The following RPGR variants were observed in gnomAD, a reference collection of about 807,000 sequenced individuals.
The protein encoded by RPGR is X-linked retinitis pigmentosa GTPase regulator.
Under a neutral mutation model 56.3 loss-of-function variants are expected in RPGR, and 10 were observed. The observed-to-expected ratio is 0.18, with a 90% CI of 0.11 to 0.30. The LOEUF is 0.30. RPGR is among the 10% of genes least tolerant of loss of function. The probability of loss-of-function intolerance (pLI) is 1.00; values close to 1 mark genes in which losing one functional copy is unlikely to be tolerated. For synonymous variants in RPGR, 197 were observed against 212.9 expected (o/e 0.93, Z 0.65); for missense variants, 538 against 590.9 (o/e 0.91, Z 0.93).
In RPGR at chrX:38,291,015, T is replaced by A; in HGVS notation, c.1516A>T (p.Met506Leu). The A allele has an allele frequency of 9.8e-7, 1 of 1,019,141 alleles. No homozygotes were observed. The highest frequency in any genetic ancestry group is 1.3e-6 in the Non-Finnish European group (1 of 750,586). The allele number at this position is 1,019,141 out of a possible 1,213,427, so 84.0% of individuals were successfully genotyped here. A position where few individuals can be genotyped will look rare whatever the true frequency, so the allele number is the denominator to read the frequency against. Residue 506 changes from methionine (M) to leucine (L), a missense_variant, in exon 13 of 19, where the codon ATG (methionine) becomes TTG (leucine). Coordinates refer to ENST00000642395, the MANE Select transcript of RPGR (RefSeq NM_000328.3). Reference sequence around the variant, plus strand: ...GACTTTTCATTGGAATTCAGGCTCATGATGTGTGTCTGAAATAAATAAAAA... The same window carrying A: ...GACTTTTCATTGGAATTCAGGCTCAAGATGTGTGTCTGAAATAAATAAAAA...
At chrX:38,294,869 A>G (rs1024645425) in intron 11 of RPGR, among the ~76,000 whole-genome samples, 38 of 111,668 alleles carry the variant, frequency 3.4e-4, no homozygotes, top group Non-Finnish European at 2.4e-4. Context: ...TCCACTGCAA[A>G]CACCTTGGTC....
chrX:38,295,620 A>G (rs757825173), intron 11 of RPGR, among the ~76,000 whole-genome samples: 17 of 112,140 alleles, frequency 1.5e-4, no homozygotes, highest in African/African-American at 5.5e-4. Context: ...CATTGATCTT[A>G]TTTCAAAAGA....
chrX:38,277,419 A>T (rs1461625594), intron 15 of RPGR, among the ~76,000 whole-genome samples: 1 of 111,339 alleles, frequency 9.0e-6, no homozygotes. Flanking sequence ...TGGAATGCTT[A>T]TTAAGTATAG....
chrX:38,289,155 A>C (rs12389427), intron 13 of RPGR, among the ~76,000 whole-genome samples: 19,513 of 111,200 alleles, frequency 0.18, 1,728 homozygotes, highest in East Asian at 0.58. Flanking sequence ...AATTTGAAAA[A>C]AATGAATAGT....
intron 1 of RPGR, 87 bp downstream of exon 1, chrX:38,327,253 C>A: frequency 1.0e-6 from 1 of 972,210 alleles, no homozygotes; most frequent in Non-Finnish European, 1.4e-6. Flanking sequence ...GGGGCCTGTC[C>A]CCCTACAGGG....
chrX:38,323,368 T>C, intron 2 of RPGR, 31 bp downstream of exon 2: 3 of 1,166,513 alleles, frequency 2.6e-6, no homozygotes, highest in Non-Finnish European at 3.5e-6. Flanking sequence ...TTCTAAGTAT[T>C]ACTGTCCTTA....
intron 6 of RPGR, among the ~76,000 whole-genome samples, chrX:38,315,810 C>CAT (rs2067811693): frequency 2.3e-5 from 2 of 87,975 alleles, no homozygotes; most frequent in African/African-American, 1.0e-4. Flanking sequence ...TCAGGTATTC[C>CAT]ATATATATAC....
intron 1 of RPGR, chrX:38,326,776 T>A (rs2068054104): frequency 9.0e-6 from 1 of 111,516 alleles, no homozygotes; most frequent in South Asian, 3.7e-4. Flanking sequence ...TGTCCCTCCC[T>A]GGCCGGGCGC....
chrX:38,322,146 A>C (rs1326320153), intron 3 of RPGR, among the ~76,000 whole-genome samples: 4 of 112,088 alleles, frequency 3.6e-5, no homozygotes, highest in African/African-American at 1.3e-4. Context: ...CTACACTGAA[A>C]TTTTGAGCTG....
In RPGR at chrX:38,322,965, A is replaced by T; in HGVS notation, c.155-20T>A. On this transcript the variant is annotated intron_variant, in intron 2 of 18. Coordinates refer to ENST00000642395, the MANE Select transcript of RPGR (RefSeq NM_000328.3). ...TATTTCCTGGTAGGAGGGAAAAAGA[A>T]ATAATCAATTGAAGCATTTTTCACA... is the stretch of plus-strand genomic sequence containing the variant. The T allele has an allele frequency of 9.0e-7, 1 of 1,106,233 alleles. No individual in the cohort carries two copies. Among genetic ancestry groups the T allele is most frequent in the South Asian group, 1.8e-5 (1 of 54,689 alleles). 91.2% of individuals were successfully genotyped at this position (1,106,233 alleles called of 1,213,427 possible).
chrX:38,300,414 AAACTT>A (rs1181698652), intron 9 of RPGR, among the ~76,000 whole-genome samples: 36 of 112,397 alleles, frequency 3.2e-4, no homozygotes, highest in African/African-American at 1.1e-3. Context: ...TCAAAAGTCT[AAACTT>A]AACTGGCAAA....
chrX:38,294,140 C>T (rs941512378), intron 11 of RPGR, among the ~76,000 whole-genome samples: 6 of 111,691 alleles, frequency 5.4e-5, no homozygotes, highest in African/African-American at 2.0e-4. Flanking sequence ...TATACCAAAT[C>T]CATTGGATAC....
chrX:38,319,958 A>T (rs1166804537), intron 4 of RPGR, among the ~76,000 whole-genome samples: 4 of 111,942 alleles, frequency 3.6e-5, no homozygotes, highest in Admixed American at 9.6e-5. Flanking sequence ...TTTTAGGAAA[A>T]GACGAAACCT....
intron 4 of RPGR, among the ~76,000 whole-genome samples, chrX:38,320,777 T>G (rs1336674890): frequency 8.9e-6 from 1 of 112,461 alleles, no homozygotes; most frequent in Non-Finnish European, 1.9e-5. Context: ...AACCAGCCCT[T>G]AAGGTGGACA....
intron 1 of RPGR, among the ~76,000 whole-genome samples, chrX:38,323,930 C>T (rs1221105599): frequency 8.9e-6 from 1 of 112,128 alleles, no homozygotes; most frequent in African/African-American, 3.2e-5. Context: ...TCTCCACACA[C>T]AGAAACAGGA....
At chrX:38,323,804 T>C (rs2067993268) in intron 1 of RPGR, among the ~76,000 whole-genome samples, 1 of 112,412 alleles carries the variant, frequency 8.9e-6, no homozygotes, top group Non-Finnish European at 1.9e-5. Flanking sequence ...AGTCATCTAT[T>C]ACTAATAGTT....
intron 7 of RPGR, among the ~76,000 whole-genome samples, chrX:38,305,746 A>AAAAAT (rs5902182): frequency 0.018 from 1,517 of 85,451 alleles, 42 homozygotes; most frequent in African/African-American, 0.06. Context: ...ACTCCATCTC[A>AAAAAT]AAAATAAAAT....
At chrX:38,306,179 T>C (rs975859890) in intron 7 of RPGR, among the ~76,000 whole-genome samples, 2 of 111,680 alleles carry the variant, frequency 1.8e-5, no homozygotes, top group African/African-American at 6.5e-5. Context: ...ACATTGAGTT[T>C]CTCCTATTAC....
intron 15 of RPGR, among the ~76,000 whole-genome samples, chrX:38,279,984 T>C (rs2067001459): frequency 9.1e-6 from 1 of 110,218 alleles, no homozygotes; most frequent in African/African-American, 3.3e-5. Context: ...GAAACAGCAG[T>C]ATGGGGTGGG....
Sources: allele counts gnomAD v4.1 joint callset (sites outside exome capture counted in the v4.1 genomes callset), GRCh38; gene constraint gnomAD v4.1.1; transcripts MANE v1.5; gene names NCBI Gene and HGNC (gene_info 2026-07-23, HGNC 2026-07-21).